Variants in SPIRE1 observed in about 807,000 individuals in gnomAD.
SPIRE1 encodes the protein protein spire homolog 1.
A neutral mutation model predicts 94.1 loss-of-function variants in SPIRE1; 40 were observed. That is an observed-to-expected ratio of 0.43 (90% confidence interval 0.33 to 0.55). The LOEUF (loss-of-function observed/expected upper bound fraction) is 0.55, where lower values mean the gene tolerates loss of function less well. Ranked by LOEUF, SPIRE1 falls within the 20% of genes least tolerant of loss-of-function variation. The pLI, the probability that SPIRE1 is intolerant of heterozygous loss-of-function variation, is 0.06. For synonymous variants in SPIRE1, 376 were observed against 371.7 expected (o/e 1.01, Z -0.13); for missense variants, 838 against 975.2 (o/e 0.86, Z 1.87).
rs748439281 is a variant in SPIRE1, at chr18:12,506,492, G to C, written c.957C>G (p.Thr319=). ...GGTTACTTACCATCACTTTTCGCAA[G>C]GTGTATCTTTTGCAGCGAATGTCAT... ...LMDDIRCKRY[T]LRKVMVNGDI... is the part of the protein sequence containing the mutation. Residue 319 remains threonine, a synonymous_variant, in exon 6 of 17, where the codon ACC becomes ACG. Coordinates refer to ENST00000409402, the MANE Select transcript of SPIRE1 (RefSeq NM_001128626.2). The C allele has an allele frequency of 1.9e-6, 3 of 1,613,926 alleles. No individual in the cohort carries two copies. The highest frequency in any genetic ancestry group is 1.7e-6 in the Non-Finnish European group (2 of 1,179,942).
chr18:12,545,987 T>TTTATTATTA (rs571457451), intron 3 of SPIRE1, among the ~76,000 whole-genome samples: 2 of 151,862 alleles, frequency 1.3e-5, no homozygotes, highest in Admixed American at 6.6e-5. Context: ...ATCACCGTTC[T>TTTATTATTA]TTATTATTAT....
intron 2 of SPIRE1, among the ~76,000 whole-genome samples, chr18:12,549,911 T>C (rs186173273): frequency 2.0e-5 from 3 of 152,302 alleles, no homozygotes; most frequent in African/African-American, 7.2e-5. Flanking sequence ...GCAAGCTTGC[T>C]CTTTTCTCTG....
chr18:12,625,814 G>A (rs144287130), intron 2 of SPIRE1, among the ~76,000 whole-genome samples: 1 of 152,098 alleles, frequency 6.6e-6, no homozygotes, highest in Admixed American at 6.6e-5. Context: ...AGGCCAAGGC[G>A]GGTGGATCAC....
chr18:12,512,606 C>CAGAT, intron 4 of SPIRE1, 75 bp from the exon 5 acceptor site: 3 of 892,346 alleles, frequency 3.4e-6, no homozygotes, highest in Non-Finnish European at 5.4e-6. Flanking sequence ...AACATATCTT[C>CAGAT]AGATAAGACA....
chr18:12,463,608 A>T (rs997854476), intron 11 of SPIRE1, 115 bp from the exon 12 acceptor site: 7 of 832,668 alleles, frequency 8.4e-6, no homozygotes, highest in East Asian at 2.6e-5. Context: ...CATTGGAGAG[A>T]TATTTTAAGA....
chr18:12,652,019 T>C (rs982812200), intron 1 of SPIRE1, among the ~76,000 whole-genome samples: 1 of 152,196 alleles, frequency 6.6e-6, no homozygotes, highest in African/African-American at 2.4e-5. Context: ...TAAAGGTACA[T>C]CAAAAATTTT....
intron 2 of SPIRE1, among the ~76,000 whole-genome samples, chr18:12,583,174 T>C (rs987660751): frequency 1.3e-5 from 2 of 152,138 alleles, no homozygotes; most frequent in Admixed American, 1.3e-4. Context: ...GAAATCATAA[T>C]AAGTGTAAAC....
intron 2 of SPIRE1, among the ~76,000 whole-genome samples, chr18:12,613,419 CTT>C: frequency 6.6e-6 from 1 of 152,330 alleles, no homozygotes; most frequent in Non-Finnish European, 1.5e-5. Flanking sequence ...CAAAACTTCT[CTT>C]GTCCCTTCAA....
At chr18:12,641,437 T>C (rs752816400) in intron 1 of SPIRE1, among the ~76,000 whole-genome samples, 1 of 152,016 alleles carries the variant, frequency 6.6e-6, no homozygotes, top group Admixed American at 6.6e-5. Flanking sequence ...GGCACGATCT[T>C]GGCTTACTAC....
intron 4 of SPIRE1, among the ~76,000 whole-genome samples, chr18:12,533,794 G>A (rs1668616359): frequency 1.3e-5 from 2 of 152,116 alleles, no homozygotes; most frequent in Admixed American, 1.3e-4. Flanking sequence ...GCTGGGAAAG[G>A]TAACGACAGC....
intron 9 of SPIRE1, among the ~76,000 whole-genome samples, chr18:12,482,621 A>T (rs140168807): frequency 1.4e-3 from 207 of 152,346 alleles, no homozygotes; most frequent in South Asian, 2.9e-3. Context: ...AAATTCATAA[A>T]GATGGCATAT....
Position 12,454,329 on chromosome 18 carries a change from A to G in SPIRE1, c.1776+17T>C, listed in dbSNP as rs1402479789. 6 of 1,613,812 alleles carry G rather than the reference A, an allele frequency of 3.7e-6. No homozygotes were observed. Among genetic ancestry groups the G allele is most frequent in the African/African-American group, 1.3e-5 (1 of 74,898 alleles). On this transcript the variant is annotated intron_variant, in intron 13 of 16. Transcript: ENST00000409402. ...ATCCTTCTACTCTTCTGATCAATCA[A>G]CTTTAAACAGCACTACCTTTCCTTT...
At chr18:12,630,677 G>A (rs1238921046) in intron 2 of SPIRE1, among the ~76,000 whole-genome samples, 3 of 152,052 alleles carry the variant, frequency 2.0e-5, no homozygotes, top group South Asian at 2.1e-4. Flanking sequence ...AATAATTTTT[G>A]CAGCTATCCA....
Position 12,626,886 on chromosome 18 carries a change from A to ATATATATAT in SPIRE1, c.372+8175_372+8176insATATATATA, listed in dbSNP as rs55915333. Among the ~76,000 whole-genome samples, 405 of 111,876 alleles carry ATATATATAT rather than the reference A, an allele frequency of 3.6e-3. 2 individuals are homozygous for ATATATATAT. Among genetic ancestry groups the ATATATATAT allele is most frequent in the South Asian group, 7.5e-3 (22 of 2,916 alleles). 73.4% of individuals were successfully genotyped at this position (111,876 alleles called of 152,430 possible). On this transcript the variant is annotated intron_variant, in intron 2 of 16. Coordinates refer to ENST00000409402, the MANE Select transcript of SPIRE1 (RefSeq NM_001128626.2). ...CTGTAAAATATATATATATATATAT[A>ATATATATAT]TTTTTTTTTTTTTTTTGCCCAGAGG... is the stretch of plus-strand genomic sequence containing the variant.
rs58625949 is a variant in SPIRE1 at position 12,526,954 on chromosome 18, C to T, written c.729+8522G>A. ...CAATCTCTTGACATCGTGATCCACC[C>T]GCCTCACCCTCCCAAAGTGCTGGGA... On this transcript the variant is annotated intron_variant, in intron 4 of 16. Transcript: ENST00000409402. 4.6e-5 allele frequency among the ~76,000 whole-genome samples: 7 copies of T among 152,188 alleles called. No homozygotes were observed. In the East Asian group the frequency reaches 9.7e-4, roughly 21 times the overall value.
At chr18:12,469,782 GTCTCATGAGAC>G (rs2098555766) in intron 10 of SPIRE1, among the ~76,000 whole-genome samples, 1 of 145,358 alleles carries the variant, frequency 6.9e-6, no homozygotes, top group Admixed American at 7.1e-5. Context: ...ACTTTACGAG[GTCTCATGAGAC>G]TCTTATAGAT....
chr18:12,498,993 G>A (rs1049802498), intron 6 of SPIRE1, among the ~76,000 whole-genome samples: 1 of 152,046 alleles, frequency 6.6e-6, no homozygotes, highest in Non-Finnish European at 1.5e-5. Context: ...CAAACTCCTG[G>A]GCTCAAGCAA....
At chr18:12,466,887 C>T (rs971209854) in intron 10 of SPIRE1, among the ~76,000 whole-genome samples, 2 of 152,088 alleles carry the variant, frequency 1.3e-5, no homozygotes, top group African/African-American at 4.8e-5. Flanking sequence ...CACCTAAAAC[C>T]TACTGCTGAA....
chr18:12,535,895 C>A (rs2034827713), intron 3 of SPIRE1, among the ~76,000 whole-genome samples: 1 of 152,136 alleles, frequency 6.6e-6, no homozygotes, highest in Non-Finnish European at 1.5e-5. Flanking sequence ...GCGGAGGTTG[C>A]AGTGAGTGGA....
Sources: allele counts gnomAD v4.1 joint callset (sites outside exome capture counted in the v4.1 genomes callset), GRCh38; gene constraint gnomAD v4.1.1; transcripts MANE v1.5; gene names NCBI Gene and HGNC (gene_info 2026-07-23, HGNC 2026-07-21).